Variants in RNF150 observed in about 807,000 individuals in gnomAD.
RNF150 encodes the protein ring finger protein 150.
RNF150 carries 24 observed loss-of-function variants against 39.3 expected under a neutral mutation model. The observed-to-expected ratio is 0.61, with a 90% CI of 0.44 to 0.86. The LOEUF (loss-of-function observed/expected upper bound fraction) is 0.86. RNF150 is among the 40% of genes least tolerant of loss of function. RNF150 has a pLI of 0.00. For synonymous variants in RNF150, 255 were observed against 227.3 expected (o/e 1.12, Z -1.10); for missense variants, 502 against 587.8 (o/e 0.85, Z 1.51).
At chr4:141,176,297 A>G (rs1727811326) in intron 1 of RNF150, among the ~76,000 whole-genome samples, 1 of 152,116 alleles carries the variant, frequency 6.6e-6, no homozygotes, top group African/African-American at 2.4e-5. Flanking sequence ...ACCTCTTACT[A>G]CTATCACCTT....
intron 6 of RNF150, among the ~76,000 whole-genome samples, chr4:140,899,990 G>GTT (rs1730131818): frequency 8.1e-6 from 1 of 123,966 alleles, no homozygotes; most frequent in Non-Finnish European, 1.7e-5. Context: ...GTGTGTGTGT[G>GTT]TGTGTGTGTG....
intron 2 of RNF150, among the ~76,000 whole-genome samples, chr4:140,963,557 A>AAAGTTTCC (rs149674291): frequency 6.6e-6 from 1 of 151,188 alleles, no homozygotes; most frequent in African/African-American, 2.4e-5. Flanking sequence ...AAAATGGAGA[A>AAAGTTTCC]AAGTTTGCAA....
chr4:141,171,601 C>G (rs1228995634), intron 1 of RNF150, among the ~76,000 whole-genome samples: 1 of 152,152 alleles, frequency 6.6e-6, no homozygotes, highest in African/African-American at 2.4e-5. Flanking sequence ...AAGACATTCT[C>G]TAGGCACAGG....
chr4:140,874,276 T>C (rs1031148084), intron 6 of RNF150, among the ~76,000 whole-genome samples: 2 of 152,256 alleles, frequency 1.3e-5, no homozygotes, highest in Admixed American at 1.3e-4. Context: ...CCCATGACTC[T>C]TCAAGTTCTT....
intron 1 of RNF150, among the ~76,000 whole-genome samples, chr4:141,178,653 A>G (rs564187614): frequency 1.3e-5 from 2 of 151,990 alleles, no homozygotes; most frequent in African/African-American, 4.8e-5. Flanking sequence ...GGGGAGCGGG[A>G]GGTGGGTAGG....
intron 6 of RNF150, among the ~76,000 whole-genome samples, chr4:140,894,850 A>G (rs968331203): frequency 6.6e-6 from 1 of 152,206 alleles, no homozygotes; most frequent in African/African-American, 2.4e-5. Context: ...TGCCTTGTCA[A>G]TAATGTAAGT....
intron 4 of RNF150, among the ~76,000 whole-genome samples, chr4:140,943,002 G>A (rs1475419011): frequency 1.2e-4 from 19 of 152,134 alleles, no homozygotes; most frequent in Admixed American, 1.2e-3. Context: ...ATGGTGAAAT[G>A]CAAACAACTC....
In RNF150 at chr4:140,932,501, TGACA is replaced by T. The variant is rs201250747; in HGVS notation, c.891-6432_891-6429del. Among the ~76,000 whole-genome samples, 4 of 152,148 alleles carry T rather than the reference TGACA, an allele frequency of 2.6e-5. No individual in the cohort carries two copies. The East Asian group carries it at 7.8e-4, about 30-fold the overall frequency. On this transcript the variant is annotated intron_variant, in intron 4 of 6. Transcript: ENST00000515673. ...GCAGAGCTAGGATTCAAATTCCAAC[TGACA>T]GTCAGTGTTTTTACCCACTCTATAC...
intron 1 of RNF150, among the ~76,000 whole-genome samples, chr4:141,084,386 G>A (rs1043188921): frequency 1.3e-5 from 2 of 152,100 alleles, no homozygotes; most frequent in African/African-American, 4.8e-5. Context: ...TTTAAAAGAG[G>A]AAATCTGCAG....
chr4:141,020,102 A>AT (rs58005040), intron 1 of RNF150, among the ~76,000 whole-genome samples: 58,721 of 149,240 alleles, frequency 0.39, 12,278 homozygotes, highest in Non-Finnish European at 0.46. Flanking sequence ...TTGGTTTGAT[A>AT]TTTTTTTTTT....
chr4:140,936,533 G>A (rs1344310682), intron 4 of RNF150, among the ~76,000 whole-genome samples: 3 of 152,070 alleles, frequency 2.0e-5, no homozygotes, highest in Non-Finnish European at 4.4e-5. Context: ...TTTGAAAAGA[G>A]TAGTTAATTG....
intron 2 of RNF150, among the ~76,000 whole-genome samples, chr4:140,950,096 GAGA>G (rs992110799): frequency 6.6e-6 from 1 of 152,204 alleles, no homozygotes; most frequent in African/African-American, 2.4e-5. Context: ...GGAAAACTGG[GAGA>G]AGGATAGGGT....
At chr4:141,206,451 A>ACACTC (rs1728376623) in intron 1 of RNF150, among the ~76,000 whole-genome samples, 1 of 150,378 alleles carries the variant, frequency 6.6e-6, no homozygotes, top group Non-Finnish European at 1.5e-5. Context: ...GTGTTCCCAA[A>ACACTC]CCAAAACACC....
intron 6 of RNF150, among the ~76,000 whole-genome samples, chr4:140,893,034 TC>T (rs1321604456): frequency 6.6e-5 from 10 of 151,916 alleles, no homozygotes; most frequent in African/African-American, 2.4e-4. Context: ...ACCATTGCAA[TC>T]CAGCCTGGGA....
intron 6 of RNF150, among the ~76,000 whole-genome samples, chr4:140,886,465 GTTGT>G (rs1243387706): frequency 6.6e-6 from 1 of 152,130 alleles, no homozygotes; most frequent in African/African-American, 2.4e-5. Context: ...TTTAAATTGG[GTTGT>G]TTGTCTTCTT....
chr4:140,872,157 C>G (rs185997490), intron 6 of RNF150, among the ~76,000 whole-genome samples: 1 of 152,140 alleles, frequency 6.6e-6, no homozygotes, highest in African/African-American at 2.4e-5. Context: ...TACAATAATA[C>G]GAATGAAAAC....
At chr4:140,953,702 A>G (rs762314458) in intron 2 of RNF150, among the ~76,000 whole-genome samples, 3 of 152,128 alleles carry the variant, frequency 2.0e-5, no homozygotes, top group Non-Finnish European at 4.4e-5. Context: ...AAATTACACA[A>G]AGAAAAAAAG....
intron 1 of RNF150, among the ~76,000 whole-genome samples, chr4:141,154,396 G>A (rs1727348959): frequency 6.6e-6 from 1 of 152,188 alleles, no homozygotes; most frequent in Non-Finnish European, 1.5e-5. Context: ...TAGCGTGCCT[G>A]TGTGGCACAA....
chr4:141,095,255 G>A (rs1044112828), intron 1 of RNF150, among the ~76,000 whole-genome samples: 6 of 152,154 alleles, frequency 3.9e-5, no homozygotes, highest in Non-Finnish European at 1.5e-5. Flanking sequence ...AAACACAGAC[G>A]GCTTTGTACT....
Sources: gnomAD v4.1 joint callset for allele counts (sites outside exome capture counted in the v4.1 genomes callset) on GRCh38, gnomAD v4.1.1 for gene constraint, MANE v1.5 for transcripts, NCBI Gene and HGNC (gene_info 2026-07-23, HGNC 2026-07-21) for gene names.